The following DYNC1I1 variants were observed in gnomAD, a reference collection of about 807,000 sequenced individuals.
The protein encoded by DYNC1I1 is dynein cytoplasmic 1 intermediate chain 1.
A neutral mutation model predicts 86.6 loss-of-function variants in DYNC1I1; 43 were observed. The ratio of observed to expected loss-of-function variants is 0.50; its 90% CI spans 0.39 to 0.64. The LOEUF (loss-of-function observed/expected upper bound fraction) is 0.64, where lower values mean the gene tolerates loss of function less well. Among genes scored for constraint, DYNC1I1 ranks in the 30% least tolerant of loss-of-function variants. The probability of loss-of-function intolerance (pLI) is 0.00; values close to 1 mark genes in which losing one functional copy is unlikely to be tolerated. For missense variants in DYNC1I1, 604 were observed against 788.8 expected (o/e 0.77, Z 2.81); for synonymous variants, 262 against 283.7 (o/e 0.92, Z 0.77).
intron 4 of DYNC1I1, among the ~76,000 whole-genome samples, chr7:95,822,444 G>A (rs1471985170): frequency 6.6e-6 from 1 of 152,086 alleles, no homozygotes; most frequent in Admixed American, 6.5e-5. Flanking sequence ...GGTGCCAGAG[G>A]CTACAATGTT....
intron 5 of DYNC1I1, among the ~76,000 whole-genome samples, chr7:95,848,453 T>A (rs955140985): frequency 6.6e-6 from 1 of 152,134 alleles, no homozygotes; most frequent in Non-Finnish European, 1.5e-5. Context: ...ACATGAACTT[T>A]TTAAGATTCC....
At chr7:96,030,838 A>G (rs1794792116) in intron 11 of DYNC1I1, among the ~76,000 whole-genome samples, 1 of 152,052 alleles carries the variant, frequency 6.6e-6, no homozygotes, top group African/African-American at 2.4e-5. Flanking sequence ...GGCTCTACAT[A>G]CACCAGAGAC....
intron 6 of DYNC1I1, among the ~76,000 whole-genome samples, chr7:95,878,580 A>T (rs1337965393): frequency 6.6e-6 from 1 of 152,220 alleles, no homozygotes; most frequent in Non-Finnish European, 1.5e-5. Flanking sequence ...AGATCCTCAG[A>T]GAAATGTGGG....
intron 11 of DYNC1I1, among the ~76,000 whole-genome samples, 188 bp from the exon 12 acceptor site, chr7:96,032,479 A>G (rs1204144367): frequency 6.6e-6 from 1 of 152,168 alleles, no homozygotes; most frequent in African/African-American, 2.4e-5. Flanking sequence ...TTCCACTATT[A>G]TGTGTTGCTG....
At chr7:95,814,985 C>G (rs1382622) in intron 4 of DYNC1I1, among the ~76,000 whole-genome samples, 16,674 of 151,978 alleles carry the variant, frequency 0.11, 1,085 homozygotes, top group East Asian at 0.22. Context: ...AATCACATTT[C>G]TTGGGGGGGG....
At chr7:95,803,063 G>A (rs1410938990) in intron 1 of DYNC1I1, among the ~76,000 whole-genome samples, 1 of 152,180 alleles carries the variant, frequency 6.6e-6, no homozygotes, top group Non-Finnish European at 1.5e-5. Context: ...AGTTGTAGTA[G>A]GTCAGAGCAC....
At chr7:96,076,327 C>T in intron 15 of DYNC1I1, 130 bp downstream of exon 15, 1 of 1,343,302 alleles carries the variant, frequency 7.4e-7, no homozygotes, top group Admixed American at 2.6e-5. Flanking sequence ...GGGCTGCCGG[C>T]CCCCATTCTT....
intron 12 of DYNC1I1, among the ~76,000 whole-genome samples, chr7:96,034,134 C>A (rs3819442): frequency 0.23 from 34,227 of 151,886 alleles, 4,123 homozygotes; most frequent in South Asian, 0.36. Flanking sequence ...AAGAATACTA[C>A]GTTTTTTTAA....
intron 6 of DYNC1I1, among the ~76,000 whole-genome samples, chr7:95,898,043 T>C (rs1190617936): frequency 6.6e-6 from 1 of 152,234 alleles, no homozygotes; most frequent in Non-Finnish European, 1.5e-5. Flanking sequence ...TCATTTATTC[T>C]CTGAGCTCTG....
At chr7:95,990,087 C>G (rs962543811) in intron 9 of DYNC1I1, among the ~76,000 whole-genome samples, 1 of 152,170 alleles carries the variant, frequency 6.6e-6, no homozygotes, top group Non-Finnish European at 1.5e-5. Flanking sequence ...TTCCTTTGAT[C>G]TCCTGGGCTT....
intron 6 of DYNC1I1, among the ~76,000 whole-genome samples, chr7:95,951,528 A>T (rs780613692): frequency 6.6e-6 from 1 of 152,200 alleles, no homozygotes; most frequent in Admixed American, 6.5e-5. Flanking sequence ...TTCATTACCT[A>T]TAGTTTTCTG....
At chr7:96,027,430 TGTACTGCCCA>T (rs1369268282) in intron 10 of DYNC1I1, among the ~76,000 whole-genome samples, 1 of 152,224 alleles carries the variant, frequency 6.6e-6, no homozygotes, top group Non-Finnish European at 1.5e-5. Flanking sequence ...TCCTACAAAA[TGTACTGCCCA>T]GTAGTCTTTT....
intron 5 of DYNC1I1, among the ~76,000 whole-genome samples, chr7:95,835,595 G>T (rs566995439): frequency 1.8e-3 from 269 of 151,974 alleles, no homozygotes; most frequent in African/African-American, 5.7e-3. Flanking sequence ...CATTATTAAT[G>T]TGTGGGAGTC....
chr7:96,023,508 A>G (rs780154928), intron 10 of DYNC1I1, among the ~76,000 whole-genome samples: 2 of 152,172 alleles, frequency 1.3e-5, no homozygotes, highest in Non-Finnish European at 2.9e-5. Context: ...GATTAGCTCC[A>G]CAAAATAGAA....
intron 6 of DYNC1I1, among the ~76,000 whole-genome samples, chr7:95,880,897 A>T (rs1291841495): frequency 6.6e-6 from 1 of 152,000 alleles, no homozygotes; most frequent in Non-Finnish European, 1.5e-5. Context: ...CGCCCATCTC[A>T]GCCTCCCATA....
chr7:95,811,161 T>C (rs1024321887), intron 3 of DYNC1I1, among the ~76,000 whole-genome samples: 1 of 152,202 alleles, frequency 6.6e-6, no homozygotes, highest in African/African-American at 2.4e-5. Context: ...TTATTGGTTT[T>C]CTTTGTGTTG....
intron 6 of DYNC1I1, among the ~76,000 whole-genome samples, chr7:95,920,382 C>A (rs1791579672): frequency 6.6e-6 from 1 of 152,172 alleles, no homozygotes; most frequent in Non-Finnish European, 1.5e-5. Context: ...TGTCTAGTGG[C>A]ACCTAAGGAG....
intron 6 of DYNC1I1, among the ~76,000 whole-genome samples, chr7:95,961,971 T>C (rs1792882464): frequency 6.6e-6 from 1 of 152,206 alleles, no homozygotes; most frequent in South Asian, 2.1e-4. Flanking sequence ...CTTCACACCC[T>C]CCTTCATGAT....
At chr7:96,032,164 A>T (rs1454924739) in intron 11 of DYNC1I1, among the ~76,000 whole-genome samples, 1 of 152,204 alleles carries the variant, frequency 6.6e-6, no homozygotes, top group Admixed American at 6.5e-5. Flanking sequence ...TAAAATGGTT[A>T]TGAATATTAA....
Sources: allele counts gnomAD v4.1 joint callset (sites outside exome capture counted in the v4.1 genomes callset), GRCh38; gene constraint gnomAD v4.1.1; transcripts MANE v1.5; gene names NCBI Gene and HGNC (gene_info 2026-07-23, HGNC 2026-07-21).